ABCA8: variants seen among roughly 807,000 people sequenced by gnomAD.
ABCA8 encodes the protein ATP binding cassette subfamily A member 8, also known as ABC-type organic anion transporter ABCA8.
In ABCA8, 177 loss-of-function variants were observed where a neutral mutation model predicts 192.3. The ratio of observed to expected loss-of-function variants is 0.92; its 90% CI spans 0.81 to 1.04. The LOEUF is 1.04. Among genes scored for constraint, ABCA8 ranks in the 50% least tolerant of loss-of-function variants. The probability of loss-of-function intolerance (pLI) is 0.00; values close to 1 mark genes in which losing one functional copy is unlikely to be tolerated. For synonymous variants in ABCA8, 642 were observed against 690.2 expected, an observed-to-expected ratio of 0.93 and a Z score of 1.09; for missense variants, 1,915 against 1,904.8, an observed-to-expected ratio of 1.01 and a Z score of -0.10.
At chr17:68,880,829 G>A (rs1351524924) in intron 32 of ABCA8, 3 of 414,868 alleles carry the variant, frequency 7.2e-6, no homozygotes, top group South Asian at 4.7e-5. Context: ...GCAGCCTGCT[G>A]AGCTGAGTGG....
At position 68,907,585 on chromosome 17, in the gene ABCA8, C is replaced by T. The variant is rs1340932651; in HGVS notation, c.2278+155G>A. ...GAATGTAATTCTATTTCCCACTATA[C>T]AGAAAATAATTCAGTTATTGTACTA... On this transcript the variant is annotated intron_variant, in intron 18 of 39. Coordinates refer to ENST00000586539, the MANE Select transcript of ABCA8 (RefSeq NM_001288985.2). Among the ~76,000 whole-genome samples the T allele has an allele frequency of 3.3e-5, 5 of 152,260 alleles. No individual in the cohort carries two copies. In the South Asian group the frequency reaches 6.2e-4, roughly 19 times the overall value.
At chr17:68,876,827 GC>G in intron 33 of ABCA8, 124 bp from the exon 34 acceptor site, 3 of 1,145,410 alleles carry the variant, frequency 2.6e-6, no homozygotes, top group Non-Finnish European at 3.8e-6. Flanking sequence ...TGGTCGGGGG[GC>G]AGGGAAGGAG....
chr17:68,868,263 T>C, intron 39 of ABCA8, 38 bp downstream of exon 39: 1 of 1,608,306 alleles, frequency 6.2e-7, no homozygotes, highest in Non-Finnish European at 8.5e-7. Flanking sequence ...TTTATACACA[T>C]ATACCATGGA....
In ABCA8 at chr17:68,940,790, A is replaced by C. The variant is rs1307385828; in HGVS notation, c.269T>G (p.Met90Arg). 14 of 1,613,428 alleles carry C rather than the reference A, an allele frequency of 8.7e-6. No individual in the cohort carries two copies. Among genetic ancestry groups the C allele is most frequent in the Non-Finnish European group, 1.2e-5 (14 of 1,179,572 alleles). Reference protein sequence around the residue: ...TPVTNTTQQIMNKVASTPFLA... With the variant: ...TPVTNTTQQIRNKVASTPFLA... ...GAAGGGAGTAGAGGCTACTTTATTC[A>C]TTATCTGTTGGGTCGTGTTGGTGAC... is the stretch of plus-strand genomic sequence containing the variant. The change falls in exon 4 of 40, where the codon ATG becomes AGG. Residue 90 changes from methionine (M) to arginine (R), a missense_variant. Coordinates refer to ENST00000586539, the MANE Select transcript of ABCA8 (RefSeq NM_001288985.2).
At chr17:68,892,061 G>A (rs1038499864) in intron 23 of ABCA8, among the ~76,000 whole-genome samples, 3 of 152,170 alleles carry the variant, frequency 2.0e-5, no homozygotes, top group Admixed American at 1.3e-4. Context: ...CAAAAGGAGA[G>A]ATGAAGTACT....
intron 4 of ABCA8, among the ~76,000 whole-genome samples, chr17:68,939,602 C>G (rs2068168984): frequency 6.6e-6 from 1 of 152,088 alleles, no homozygotes; most frequent in South Asian, 2.1e-4. Context: ...CAGACCAACT[C>G]TGCCTCTGGG....
At chr17:68,887,309 G>A (rs1416816379) in intron 25 of ABCA8, 27 bp downstream of exon 25, 11 of 1,553,150 alleles carry the variant, frequency 7.1e-6, no homozygotes, top group Non-Finnish European at 8.8e-6. Context: ...TGTGAATATT[G>A]TCACTTACTT....
Position 68,929,684 on chromosome 17 carries a change from G to A in ABCA8, c.816C>T (p.Leu272=). The A allele has an allele frequency of 6.2e-7, 1 of 1,612,426 alleles. No individual in the cohort carries two copies. The change falls in exon 8 of 40, where the codon CTC becomes CTT. Residue 272 remains leucine (L), a synonymous_variant. Transcript: ENST00000586539. The stretch of plus-strand genomic sequence containing the variant: ...CCATAATGAAGATGAAACCAGCATA[G>A]AGCAAACCCCAGGAGAGCCTAATGT... ...DSAFWLSWGL[L]YAGFIFIMAL...
chr17:68,934,587 C>G (rs2068001885), intron 5 of ABCA8, among the ~76,000 whole-genome samples: 1 of 152,134 alleles, frequency 6.6e-6, no homozygotes, highest in Non-Finnish European at 1.5e-5. Context: ...GTCTAGCTAT[C>G]TTATTATGAC....
At chr17:68,891,445 T>G in intron 24 of ABCA8, 44 bp downstream of exon 24, 2 of 1,411,184 alleles carry the variant, frequency 1.4e-6, no homozygotes, top group Non-Finnish European at 2.0e-6. Context: ...ACCTTCTGCT[T>G]TCAATTATGC....
Position 68,936,964 on chromosome 17 carries a change from G to A in ABCA8, c.453C>T (p.His151=). 1 of 1,600,896 alleles carries A rather than the reference G, an allele frequency of 6.2e-7. No homozygotes were observed. Among genetic ancestry groups the A allele is most frequent in the Non-Finnish European group, 8.5e-7 (1 of 1,175,766 alleles). ...LGHGMPAKKE[H]KDHTAHCYET... ...CCATAAAATTACCTGTATGGTCCTT[G>A]TGCTCCTTCTTTGCTGGCATTCCAT... Residue 151 remains histidine, a synonymous_variant, in exon 5 of 40, where the codon CAC becomes CAT. Transcript: ENST00000586539.
At chr17:68,918,981 C>T (rs1331727320) in intron 14 of ABCA8, among the ~76,000 whole-genome samples, 3 of 149,862 alleles carry the variant, frequency 2.0e-5, no homozygotes, top group South Asian at 2.1e-4. Context: ...CCAAACTTTC[C>T]GGGTTTGAAT....
chr17:68,938,124 A>G (rs1330089092), intron 4 of ABCA8, among the ~76,000 whole-genome samples: 2 of 152,160 alleles, frequency 1.3e-5, no homozygotes, highest in Admixed American at 6.6e-5. Context: ...TGGATAGTTC[A>G]TATCACATTA....
chr17:68,944,359 T>TATATATATGTACAC (rs765731645), intron 2 of ABCA8, among the ~76,000 whole-genome samples: 1 of 69,484 alleles, frequency 1.4e-5, no homozygotes, highest in East Asian at 4.8e-4. Context: ...TATATATATA[T>TATATATATGTACAC]ACACATATAC....
At position 68,901,490 on chromosome 17, in the gene ABCA8, C is replaced by T. The variant is rs576632768; in HGVS notation, c.2764+1223G>A. ...CAAAAAATAAGTGTTGGCAAGCATA[C>T]GTAGAAACTGGAATCCTCAAAAATT... On this transcript the variant is annotated intron_variant, in intron 21 of 39. Coordinates refer to ENST00000586539, the MANE Select transcript of ABCA8 (RefSeq NM_001288985.2). 1.5e-4 allele frequency among the ~76,000 whole-genome samples: 23 copies of T among 152,162 alleles called. 1 individual carries two copies. The South Asian group carries it at 3.5e-3, about 23-fold the overall frequency.
chr17:68,871,550 G>C (rs997955372), intron 37 of ABCA8, among the ~76,000 whole-genome samples: 10 of 152,024 alleles, frequency 6.6e-5, no homozygotes, highest in African/African-American at 2.2e-4. Flanking sequence ...ATCTTCTTTG[G>C]AGAAATGTCT....
intron 7 of ABCA8, among the ~76,000 whole-genome samples, chr17:68,929,989 G>T: frequency 6.6e-6 from 1 of 151,530 alleles, no homozygotes; most frequent in African/African-American, 2.4e-5. Context: ...GGGGGCGGTG[G>T]GGGGGGAATT....
At chr17:68,926,085 G>T (rs2143662295) in intron 10 of ABCA8, among the ~76,000 whole-genome samples, 1 of 152,188 alleles carries the variant, frequency 6.6e-6, no homozygotes, top group South Asian at 2.1e-4. Context: ...AACAATATGT[G>T]ATATAACTTG....
chr17:68,903,385 ACAC>A lies in ABCA8; in HGVS notation c.2510_2512del (p.Gly837del). 1 of 1,614,232 alleles carries A rather than the reference ACAC, an allele frequency of 6.2e-7. No individual in the cohort carries two copies. Among genetic ancestry groups the A allele is most frequent in the Non-Finnish European group, 8.5e-7 (1 of 1,180,036 alleles). On this transcript the variant is annotated inframe_deletion, in exon 20 of 40. Coordinates refer to ENST00000586539, the MANE Select transcript of ABCA8 (RefSeq NM_001288985.2). ...GCAGATTTGCTGTCGCCAGAGAGCC[ACAC>A]CACCTATTGTCTTTCTCATCTTGTT...
Sources: allele counts gnomAD v4.1 joint callset (sites outside exome capture counted in the v4.1 genomes callset), GRCh38; gene constraint gnomAD v4.1.1; transcripts MANE v1.5; gene names NCBI Gene and HGNC (gene_info 2026-07-23, HGNC 2026-07-21).